The following SLC10A7 variants were observed in gnomAD, a reference collection of about 807,000 sequenced individuals.
The protein encoded by SLC10A7 is solute carrier family 10 member 7.
SLC10A7 carries 29 observed loss-of-function variants against 43.2 expected under a neutral mutation model. That is an observed-to-expected ratio of 0.67 (90% CI 0.50 to 0.92). SLC10A7 has a LOEUF of 0.92. Among genes scored for constraint, SLC10A7 ranks in the 40% least tolerant of loss-of-function variants. SLC10A7 has a pLI of 0.00. For synonymous variants in SLC10A7, 152 were observed against 144.8 expected, an observed-to-expected ratio of 1.05 and a Z score of -0.35; for missense variants, 295 against 403.2, an observed-to-expected ratio of 0.73 and a Z score of 2.30.
intron 3 of SLC10A7, among the ~76,000 whole-genome samples, chr4:146,509,247 T>C (rs1486288822): frequency 2.0e-5 from 3 of 152,180 alleles, no homozygotes; most frequent in Non-Finnish European, 4.4e-5. Context: ...GTTTCTCCAA[T>C]ATGTATAATA....
intron 4 of SLC10A7, among the ~76,000 whole-genome samples, chr4:146,482,158 A>G (rs957322926): frequency 6.6e-6 from 1 of 152,204 alleles, no homozygotes; most frequent in Admixed American, 6.5e-5. Context: ...GGAAGAGGTG[A>G]TCGTACCATC....
intron 10 of SLC10A7, among the ~76,000 whole-genome samples, chr4:146,282,353 C>T (rs1314666277): frequency 6.6e-6 from 1 of 152,152 alleles, no homozygotes; most frequent in East Asian, 1.9e-4. Context: ...TTCTAGTTCA[C>T]AGACTGAATT....
intron 5 of SLC10A7, among the ~76,000 whole-genome samples, chr4:146,362,790 G>T (rs575898900): frequency 6.6e-6 from 1 of 151,700 alleles, no homozygotes; most frequent in South Asian, 2.1e-4. Context: ...AGTTTTCATC[G>T]TTTTAAAATA....
chr4:146,316,403 C>T (rs184252038), intron 6 of SLC10A7, among the ~76,000 whole-genome samples: 87 of 151,876 alleles, frequency 5.7e-4, no homozygotes, highest in African/African-American at 2.1e-3. Context: ...AGGGTGGAGA[C>T]CTTATGAATG....
intron 4 of SLC10A7, among the ~76,000 whole-genome samples, chr4:146,457,549 C>G (rs1252399514): frequency 6.6e-6 from 1 of 151,886 alleles, no homozygotes; most frequent in African/African-American, 2.4e-5. Flanking sequence ...ATATACCACA[C>G]AAAAAACTTT....
At position 146,442,067 on chromosome 4, in the gene SLC10A7, A is replaced by G. The variant is rs531778606; in HGVS notation, c.435+716T>C. On this transcript the variant is annotated intron_variant, in intron 5 of 11. Transcript: ENST00000335472. ...TGATAATTAACTTCAGGAATTTAAC[A>G]AAGTTTTAAGGCACAAAAAAATTAA... 4 of 979,384 alleles carry G rather than the reference A, an allele frequency of 4.1e-6. No individual in the cohort carries two copies. In the African/African-American group the frequency reaches 5.2e-5, roughly 13 times the overall value. 60.7% of individuals were successfully genotyped at this position (979,384 alleles called of 1,614,324 possible). A position where few individuals can be genotyped will look rare whatever the true frequency, so the allele number is the denominator to read the frequency against.
intron 10 of SLC10A7, among the ~76,000 whole-genome samples, chr4:146,267,174 C>A (rs1728611146): frequency 6.6e-6 from 1 of 152,162 alleles, no homozygotes; most frequent in Non-Finnish European, 1.5e-5. Context: ...ATTCAGTGAG[C>A]AGTTCAGTCA....
chr4:146,293,134 T>G (rs909323816), intron 8 of SLC10A7, among the ~76,000 whole-genome samples, 154 bp from the exon 9 acceptor site: 2 of 152,188 alleles, frequency 1.3e-5, no homozygotes, highest in Non-Finnish European at 2.9e-5. Flanking sequence ...ATTGAAAGAA[T>G]CATTTAAATT....
chr4:146,268,426 C>G (rs912001308), intron 10 of SLC10A7, among the ~76,000 whole-genome samples: 2 of 152,158 alleles, frequency 1.3e-5, no homozygotes, highest in African/African-American at 4.8e-5. Context: ...TTCCAGTAAT[C>G]TAAGACCTTT....
intron 10 of SLC10A7, among the ~76,000 whole-genome samples, chr4:146,277,064 A>G (rs1194535895): frequency 6.6e-6 from 1 of 152,232 alleles, no homozygotes; most frequent in Non-Finnish European, 1.5e-5. Context: ...AATCTTTTTT[A>G]GACCTTGGGT....
chr4:146,280,072 C>A (rs1410002637), intron 10 of SLC10A7, among the ~76,000 whole-genome samples: 2 of 152,016 alleles, frequency 1.3e-5, no homozygotes, highest in East Asian at 3.9e-4. Context: ...ATGGTTGCCT[C>A]TTGGCCTGCA....
At chr4:146,448,063 G>A (rs1238469877) in intron 4 of SLC10A7, among the ~76,000 whole-genome samples, 1 of 152,004 alleles carries the variant, frequency 6.6e-6, no homozygotes, top group Non-Finnish European at 1.5e-5. Flanking sequence ...ATCAGGGACT[G>A]TTGTGGGGTG....
intron 4 of SLC10A7, among the ~76,000 whole-genome samples, chr4:146,463,172 C>T (rs745351034): frequency 1.6e-4 from 25 of 151,998 alleles, no homozygotes; most frequent in East Asian, 9.6e-4. Context: ...ATTGGGAAAA[C>T]GGCCTGAAAT....
At chr4:146,399,727 C>T (rs759623364) in intron 5 of SLC10A7, among the ~76,000 whole-genome samples, 4 of 151,894 alleles carry the variant, frequency 2.6e-5, no homozygotes, top group Admixed American at 2.0e-4. Context: ...GACCACGTAA[C>T]GGGGAGAGGC....
chr4:146,385,455 C>T (rs1737924200), intron 5 of SLC10A7, among the ~76,000 whole-genome samples: 1 of 152,066 alleles, frequency 6.6e-6, no homozygotes, highest in Non-Finnish European at 1.5e-5. Context: ...ATTTACTCAT[C>T]TTTTTGATTC....
intron 4 of SLC10A7, among the ~76,000 whole-genome samples, chr4:146,452,280 A>T (rs17021532): frequency 0.26 from 38,858 of 151,898 alleles, 5,100 homozygotes; most frequent in South Asian, 0.34. Context: ...AAATTGCCTT[A>T]CCCTAGAAAA....
intron 5 of SLC10A7, among the ~76,000 whole-genome samples, chr4:146,385,753 C>T (rs1264510621): frequency 6.6e-6 from 1 of 152,188 alleles, no homozygotes; most frequent in Non-Finnish European, 1.5e-5. Flanking sequence ...CCCCCTTCCT[C>T]CCTCCCGACT....
intron 5 of SLC10A7, among the ~76,000 whole-genome samples, chr4:146,426,806 C>T (rs1470798739): frequency 3.9e-5 from 6 of 152,026 alleles, no homozygotes; most frequent in Admixed American, 2.6e-4. Context: ...ACCTGGGAGG[C>T]GGAGGTTGCA....
At chr4:146,521,289 T>C (rs1738619195) in intron 1 of SLC10A7, among the ~76,000 whole-genome samples, 1 of 152,002 alleles carries the variant, frequency 6.6e-6, no homozygotes, top group Non-Finnish European at 1.5e-5. Context: ...TACGGAACTC[T>C]TAGCAACCTA....
Sources: allele counts gnomAD v4.1 joint callset (sites outside exome capture counted in the v4.1 genomes callset), GRCh38; gene constraint gnomAD v4.1.1; transcripts MANE v1.5; gene names NCBI Gene and HGNC (gene_info 2026-07-23, HGNC 2026-07-21).